Variants in NCOA1 observed in about 807,000 individuals in gnomAD.
The protein encoded by NCOA1 is nuclear receptor coactivator 1, also known as Hin-2 protein.
Under a neutral mutation model 150.9 loss-of-function variants are expected in NCOA1, and 35 were observed. The observed-to-expected ratio is 0.23, with a 90% CI of 0.18 to 0.31. The LOEUF is 0.31. Ranked by LOEUF, NCOA1 falls within the 10% of genes least tolerant of loss-of-function variation. The pLI is 1.00. For synonymous variants in NCOA1, 590 were observed against 630.0 expected (o/e 0.94, Z 0.95); for missense variants, 1,491 against 1,749.3 (o/e 0.85, Z 2.63).
intron 3 of NCOA1, among the ~76,000 whole-genome samples, chr2:24,618,485 A>G (rs1668972899): frequency 6.6e-6 from 1 of 152,214 alleles, no homozygotes; most frequent in African/African-American, 2.4e-5. Context: ...ACCTTCAGCC[A>G]ATGGAATTCA....
Position 24,729,411 on chromosome 2 carries a change from A to G in NCOA1, c.2887-90A>G. ...TTCTGGAGAGCATGAATTCAGAATGAATATATGATGGTGCTTTCTAGAAAT... is the reference window on the plus strand; with the variant it reads ...TTCTGGAGAGCATGAATTCAGAATGGATATATGATGGTGCTTTCTAGAAAT... On this transcript the variant is annotated intron_variant, in intron 16 of 22. Coordinates refer to ENST00000348332, the MANE Select transcript of NCOA1 (RefSeq NM_003743.5). 6 of 1,249,394 alleles carry G rather than the reference A, an allele frequency of 4.8e-6. 1 individual carries two copies. In the South Asian group the frequency reaches 7.2e-5, roughly 15 times the overall value. 77.4% of individuals were successfully genotyped at this position (1,249,394 alleles called of 1,614,324 possible).
chr2:24,656,507 G>A (rs13412681), intron 4 of NCOA1, among the ~76,000 whole-genome samples: 29 of 152,126 alleles, frequency 1.9e-4, no homozygotes, highest in Middle Eastern at 3.4e-3. Context: ...TTTGCTATTC[G>A]AAAATAAATT....
rs532676530 is a variant in NCOA1, at chr2:24,671,152, CA to C, written c.257-2213del. On this transcript the variant is annotated intron_variant, in intron 6 of 22. Transcript: ENST00000348332. Reference sequence around the variant, plus strand: ...CCAGTAGGGGAATAGAAATCCACTGCAGATTATTTATATAATATAATACTCT... The same window carrying C: ...CCAGTAGGGGAATAGAAATCCACTGCGATTATTTATATAATATAATACTCT... Among the ~76,000 whole-genome samples, 340 of 152,264 alleles carry C rather than the reference CA, an allele frequency of 2.2e-3. 1 individual carries two copies. Among genetic ancestry groups the C allele is most frequent in the Non-Finnish European group, 4.1e-3 (279 of 68,018 alleles).
intron 4 of NCOA1, among the ~76,000 whole-genome samples, chr2:24,645,117 G>A (rs1411335802): frequency 1.3e-5 from 2 of 152,128 alleles, no homozygotes; most frequent in African/African-American, 4.8e-5. Context: ...AGTTGGCAGA[G>A]AGCTTTAATG....
intron 1 of NCOA1, among the ~76,000 whole-genome samples, chr2:24,552,321 T>TAATATATA (rs1553427489): frequency 3.3e-5 from 1 of 30,584 alleles, no homozygotes; most frequent in Non-Finnish European, 5.6e-5. Flanking sequence ...TTCATATATA[T>TAATATATA]TATATATATA....
chr2:24,682,832 G>C, intron 7 of NCOA1, 119 bp from the exon 8 acceptor site: 3 of 772,720 alleles, frequency 3.9e-6, no homozygotes, highest in Non-Finnish European at 5.9e-6. Flanking sequence ...CAATTTCCTT[G>C]AGGACAGAGA....
chr2:24,503,344 G>A (rs1663546270), intron 1 of NCOA1, among the ~76,000 whole-genome samples: 1 of 147,640 alleles, frequency 6.8e-6, no homozygotes, highest in African/African-American at 2.5e-5. Context: ...CCTGTCCTGG[G>A]TGACAGAAAA....
At chr2:24,583,747 T>G (rs1667292053) in intron 2 of NCOA1, among the ~76,000 whole-genome samples, 1 of 152,190 alleles carries the variant, frequency 6.6e-6, no homozygotes, top group African/African-American at 2.4e-5. Flanking sequence ...TGGAGCAATG[T>G]GGATGAACCT....
At chr2:24,537,269 G>C (rs79307214) in intron 1 of NCOA1, among the ~76,000 whole-genome samples, 21 of 121,846 alleles carry the variant, frequency 1.7e-4, no homozygotes, top group African/African-American at 5.4e-4. Context: ...CACACACACA[G>C]ACACACAAAC....
intron 17 of NCOA1, among the ~76,000 whole-genome samples, chr2:24,734,530 T>G (rs1663188409): frequency 6.6e-6 from 1 of 152,152 alleles, no homozygotes; most frequent in African/African-American, 2.4e-5. Flanking sequence ...TGTGATGGCT[T>G]ACACCTATAA....
chr2:24,732,732 T>C (rs1040052838), intron 17 of NCOA1, among the ~76,000 whole-genome samples: 4 of 152,148 alleles, frequency 2.6e-5, no homozygotes, highest in African/African-American at 9.7e-5. Context: ...AGGGATGTTA[T>C]CAAGGACCCA....
intron 3 of NCOA1, among the ~76,000 whole-genome samples, chr2:24,590,052 C>T (rs1408052319): frequency 2.0e-5 from 3 of 152,194 alleles, no homozygotes; most frequent in Admixed American, 6.5e-5. Context: ...TCTTTTCAAT[C>T]TTGGCCAGAA....
intron 17 of NCOA1, among the ~76,000 whole-genome samples, chr2:24,734,236 G>A (rs1345799786): frequency 2.0e-5 from 3 of 150,632 alleles, no homozygotes; most frequent in Non-Finnish European, 4.4e-5. Context: ...AGAAGATGTG[G>A]AAGTCATAAT....
At chr2:24,554,379 GT>G (rs990173062) in intron 1 of NCOA1, 17 of 151,814 alleles carry the variant, frequency 1.1e-4, no homozygotes, top group African/African-American at 4.1e-4. Flanking sequence ...TGTGTTTTTT[GT>G]TTTTTCAGGA....
chr2:24,502,394 G>T (rs1483243614), intron 1 of NCOA1, among the ~76,000 whole-genome samples: 3 of 152,008 alleles, frequency 2.0e-5, no homozygotes, highest in Non-Finnish European at 2.9e-5. Context: ...TTCTTTTGGG[G>T]CTTAATTATT....
chr2:24,699,628 G>C (rs1175793509), intron 11 of NCOA1, among the ~76,000 whole-genome samples: 1 of 152,082 alleles, frequency 6.6e-6, no homozygotes, highest in African/African-American at 2.4e-5. Flanking sequence ...CAAAGTTCAC[G>C]TGACTGAATC....
chr2:24,604,717 T>C (rs190303226), intron 3 of NCOA1, among the ~76,000 whole-genome samples: 417 of 152,346 alleles, frequency 2.7e-3, no homozygotes, highest in Non-Finnish European at 4.7e-3. Flanking sequence ...ACTCAAACTT[T>C]ACCCATATGA....
At chr2:24,735,317 C>T (rs747741688) in intron 17 of NCOA1, among the ~76,000 whole-genome samples, 2 of 152,086 alleles carry the variant, frequency 1.3e-5, no homozygotes, top group Non-Finnish European at 2.9e-5. Flanking sequence ...ATATTTACCT[C>T]ATTGGATTGA....
At chr2:24,526,543 A>AGAAAAAT (rs1437406592) in intron 1 of NCOA1, among the ~76,000 whole-genome samples, 6 of 152,140 alleles carry the variant, frequency 3.9e-5, no homozygotes, top group African/African-American at 7.2e-5. Context: ...ATTTTTACTA[A>AGAAAAAT]GATTGTGGTG....
Sources: gnomAD v4.1 joint callset for allele counts (sites outside exome capture counted in the v4.1 genomes callset) on GRCh38, gnomAD v4.1.1 for gene constraint, MANE v1.5 for transcripts, NCBI Gene and HGNC (gene_info 2026-07-23, HGNC 2026-07-21) for gene names.